Variants in MGST2 observed in about 807,000 individuals in gnomAD.
MGST2 encodes the protein glutathione peroxidase MGST2.
MGST2 carries 9 observed loss-of-function variants against 16.6 expected under a neutral mutation model. The ratio of observed to expected loss-of-function variants is 0.54; its 90% CI spans 0.33 to 0.95. The LOEUF is 0.95. Ranked by LOEUF, MGST2 falls within the 40% of genes least tolerant of loss-of-function variation. The pLI is 0.03. For synonymous variants in MGST2, 79 were observed against 68.0 expected, an observed-to-expected ratio of 1.16 and a Z score of -0.79; for missense variants, 159 against 175.1, an observed-to-expected ratio of 0.91 and a Z score of 0.52.
downstream of MGST2, among the ~76,000 whole-genome samples, chr4:139,742,493 A>C (rs1446788212): frequency 6.6e-6 from 1 of 152,188 alleles, no homozygotes; most frequent in Non-Finnish European, 1.5e-5. Context: ...CTTGGGAAGC[A>C]TGATTCAGCA....
intron 5 of MGST2, among the ~76,000 whole-genome samples, chr4:139,710,030 A>G (rs1244808217): frequency 6.6e-6 from 1 of 152,244 alleles, no homozygotes; most frequent in African/African-American, 2.4e-5. Flanking sequence ...TTAAAAGGTA[A>G]AGACTGGTTA....
the MGST2 span, among the ~76,000 whole-genome samples, chr4:139,749,850 C>A: frequency 6.6e-6 from 1 of 151,292 alleles, no homozygotes; most frequent in Non-Finnish European, 1.5e-5. Context: ...ATCTCTTTGT[C>A]CCCCTTTCAA....
intron 5 of MGST2, among the ~76,000 whole-genome samples, chr4:139,738,740 AG>A (rs1729048203): frequency 6.7e-6 from 1 of 148,924 alleles, no homozygotes; most frequent in South Asian, 2.1e-4. Context: ...AGAAAAGTAT[AG>A]ATAGAAAAAA....
chr4:139,721,348 C>T (rs1337227530), intron 5 of MGST2, among the ~76,000 whole-genome samples: 2 of 152,130 alleles, frequency 1.3e-5, no homozygotes, highest in Non-Finnish European at 2.9e-5. Context: ...AGGAGGTACA[C>T]AAAAACGGAT....
Position 139,695,255 on chromosome 4 carries a change from T to C in MGST2, c.217T>C (p.Tyr73His). The C allele has an allele frequency of 2.5e-6, 4 of 1,611,712 alleles. No individual in the cohort carries two copies. Among genetic ancestry groups the C allele is most frequent in the Non-Finnish European group, 3.4e-6 (4 of 1,177,744 alleles). Residue 73 changes from tyrosine (Y) to histidine (H), a missense_variant, in exon 3 of 5, where the codon TAT (tyrosine) becomes CAT (histidine). Tyr to His is a moderately conservative substitution (Grantham distance 83). Coordinates refer to ENST00000265498, the MANE Select transcript of MGST2 (RefSeq NM_002413.5). ...FIITLWMAGWYFNQVFATCLG... is the reference protein window; with the variant it reads ...FIITLWMAGWHFNQVFATCLG... ...AATTACATTGTGGATGGCTGGGTGG[T>C]ATTTCAACCAAGGTAATGTTAAAAT... is the stretch of plus-strand genomic sequence containing the variant.
chr4:139,699,838 C>T (rs1007903040), intron 3 of MGST2, among the ~76,000 whole-genome samples: 4 of 152,062 alleles, frequency 2.6e-5, no homozygotes, highest in African/African-American at 7.2e-5. Flanking sequence ...CAGAAATTCA[C>T]GACCAGCCTG....
intron 1 of MGST2, among the ~76,000 whole-genome samples, chr4:139,673,830 CA>C (rs1730829411): frequency 2.6e-5 from 4 of 152,158 alleles, no homozygotes; most frequent in Admixed American, 2.6e-4. Flanking sequence ...AGGAGTGAGC[CA>C]ACAGACTTGG....
At chr4:139,751,077 G>C in the MGST2 span, among the ~76,000 whole-genome samples, 1 of 152,174 alleles carries the variant, frequency 6.6e-6, no homozygotes, top group Non-Finnish European at 1.5e-5. Flanking sequence ...CTCTGGATCT[G>C]GCCTGCAGAG....
intron 5 of MGST2, among the ~76,000 whole-genome samples, chr4:139,732,254 T>C (rs1269269830): frequency 6.6e-6 from 1 of 152,146 alleles, no homozygotes; most frequent in Non-Finnish European, 1.5e-5. Flanking sequence ...ATAGGTGAAG[T>C]TTCTCTCTGT....
chr4:139,702,867 T>TTTTTTTTTTTTTTTTC (rs767366469), intron 3 of MGST2, among the ~76,000 whole-genome samples: 13 of 132,376 alleles, frequency 9.8e-5, no homozygotes, highest in Admixed American at 2.3e-4. Context: ...TTTTTTTTTT[T>TTTTTTTTTTTTTTTTC]TTTACAATTT....
At chr4:139,677,723 G>A (rs559006538) in intron 1 of MGST2, among the ~76,000 whole-genome samples, 1 of 152,120 alleles carries the variant, frequency 6.6e-6, no homozygotes, top group East Asian at 1.9e-4. Flanking sequence ...GGCTGGTCTC[G>A]AACTCCCGAC....
intron 1 of MGST2, among the ~76,000 whole-genome samples, chr4:139,670,259 G>GAT: frequency 8.3e-6 from 1 of 120,046 alleles, no homozygotes; most frequent in South Asian, 2.9e-4. Flanking sequence ...GGTGGGGGGC[G>GAT]GGGGGGGGGC....
At chr4:139,719,295 G>C in intron 5 of MGST2, 1 of 1,535,954 alleles carries the variant, frequency 6.5e-7, no homozygotes, top group South Asian at 1.3e-5. Flanking sequence ...TTAACCACTC[G>C]AGTTGTGGAT....
In MGST2 at chr4:139,698,098, A is replaced by T. The variant is rs867784468; in HGVS notation, c.229+2831A>T. ...ACTACCAATAACAGGAAGAAGAGAA[A>T]TTTTTTTTTTTTTGAGAATGAAATG... On this transcript the variant is annotated intron_variant, in intron 3 of 4. Transcript: ENST00000265498. The T allele has an allele frequency of 2.1e-3, 1,868 of 903,744 alleles. 15 individuals are homozygous for T. The African/African-American group carries it at 0.025, about 12-fold the overall frequency. 56.0% of individuals were successfully genotyped at this position (903,744 alleles called of 1,614,324 possible).
chr4:139,670,677 C>CCT (rs1438656331), intron 1 of MGST2, among the ~76,000 whole-genome samples: 2 of 152,004 alleles, frequency 1.3e-5, no homozygotes, highest in African/African-American at 4.8e-5. Context: ...CTTTGGGTGA[C>CCT]CAAGGTGGGT....
At chr4:139,723,023 T>C (rs1256561090) in intron 5 of MGST2, among the ~76,000 whole-genome samples, 1 of 152,264 alleles carries the variant, frequency 6.6e-6, no homozygotes, top group Non-Finnish European at 1.5e-5. Flanking sequence ...TGATCAGCCA[T>C]TTCTTTCTAA....
At chr4:139,720,559 T>C (rs991124649) in intron 5 of MGST2, among the ~76,000 whole-genome samples, 1 of 152,208 alleles carries the variant, frequency 6.6e-6, no homozygotes, top group South Asian at 2.1e-4. Context: ...GAAATCCCAC[T>C]ATCCAGAGAT....
chr4:139,719,652 T>A, intron 5 of MGST2: 1 of 1,612,948 alleles, frequency 6.2e-7, no homozygotes, highest in Non-Finnish European at 8.5e-7. Context: ...GATGGCATCA[T>A]CTGCCGACCC....
chr4:139,724,521 T>C (rs1728387644), intron 5 of MGST2, among the ~76,000 whole-genome samples: 1 of 152,226 alleles, frequency 6.6e-6, no homozygotes, highest in Non-Finnish European at 1.5e-5. Context: ...TGTGAAATTA[T>C]ATAAAAGTTT....
Sources: gnomAD v4.1 joint callset for allele counts (sites outside exome capture counted in the v4.1 genomes callset) on GRCh38, gnomAD v4.1.1 for gene constraint, MANE v1.5 for transcripts, NCBI Gene and HGNC (gene_info 2026-07-23, HGNC 2026-07-21) for gene names.